PCDH15: variants seen among roughly 807,000 people sequenced by gnomAD.
The protein encoded by PCDH15 is protocadherin-15.
PCDH15 carries 129 observed loss-of-function variants against 178.5 expected under a neutral mutation model. The ratio of observed to expected loss-of-function variants is 0.72; its 90% CI spans 0.63 to 0.84. The LOEUF is 0.84. Among genes scored for constraint, PCDH15 ranks in the 40% least tolerant of loss-of-function variants. The probability of loss-of-function intolerance (pLI) is 0.00; values close to 1 mark genes in which losing one functional copy is unlikely to be tolerated. For missense variants in PCDH15, 2,230 were observed against 2,099.9 expected, an observed-to-expected ratio of 1.06 and a Z score of -1.21; for synonymous variants, 800 against 732.0, an observed-to-expected ratio of 1.09 and a Z score of -1.50.
At chr10:54,910,459 G>T (rs1954798598) in intron 2 of PCDH15, among the ~76,000 whole-genome samples, 1 of 152,028 alleles carries the variant, frequency 6.6e-6, no homozygotes, top group African/African-American at 2.4e-5. Context: ...TATTTTCTTA[G>T]TCTCACCACA....
intron 1 of PCDH15, among the ~76,000 whole-genome samples, chr10:54,718,598 C>A (rs2095509126): frequency 6.6e-6 from 1 of 151,024 alleles, no homozygotes; most frequent in Non-Finnish European, 1.5e-5. Context: ...GGAGAGATAG[C>A]TTATCTAGAT....
At chr10:54,772,721 C>G (rs1949237883) in intron 1 of PCDH15, among the ~76,000 whole-genome samples, 1 of 152,010 alleles carries the variant, frequency 6.6e-6, no homozygotes, top group South Asian at 2.1e-4. Context: ...TCCTCAGAGA[C>G]CTAGAGGCAG....
chr10:53,858,329 G>T (rs989072404), intron 27 of PCDH15, among the ~76,000 whole-genome samples: 4 of 152,038 alleles, frequency 2.6e-5, no homozygotes, highest in Non-Finnish European at 5.9e-5. Flanking sequence ...CCCATTAGGG[G>T]TCACAAACTC....
chr10:53,856,088 T>C (rs1275651526), intron 28 of PCDH15, among the ~76,000 whole-genome samples: 3 of 150,980 alleles, frequency 2.0e-5, no homozygotes, highest in Non-Finnish European at 4.4e-5. Context: ...AGGACTCAAA[T>C]GCATAAAGAT....
chr10:55,063,141 T>G (rs1229381052), intron 2 of PCDH15, among the ~76,000 whole-genome samples: 2 of 152,172 alleles, frequency 1.3e-5, no homozygotes, highest in Admixed American at 6.6e-5. Context: ...AAATCCATAC[T>G]TTTAATCTCT....
At chr10:54,447,129 C>T (rs866402833) in intron 3 of PCDH15, among the ~76,000 whole-genome samples, 76 of 151,698 alleles carry the variant, frequency 5.0e-4, no homozygotes, top group African/African-American at 1.8e-3. Context: ...TTTTATCTAT[C>T]TCTAAGCGTT....
intron 14 of PCDH15, among the ~76,000 whole-genome samples, chr10:54,147,016 T>C (rs4472839): frequency 0.26 from 19,173 of 74,728 alleles, 2,108 homozygotes; most frequent in East Asian, 0.75. Context: ...GTATATATAA[T>C]GTGTATATAT....
rs199648958 is a variant in PCDH15 at position 53,807,206 on chromosome 10, C to CCAAAA, written c.4672-81_4672-77dup. On this transcript the variant is annotated intron_variant, in intron 37 of 37. Transcript: ENST00000644397. ...GCAATGATTACATTGCCTGTGAAAT[C>CCAAAA]CAAAACAATGACATTTAGAAAGCTG... 1.0e-3 allele frequency: 1,224 copies of CCAAAA among 1,201,932 alleles called. 17 individuals are homozygous for CCAAAA. The East Asian group carries it at 0.029, about 28-fold the overall frequency. 74.5% of individuals were successfully genotyped at this position (1,201,932 alleles called of 1,614,324 possible). A position where few individuals can be genotyped will look rare whatever the true frequency, so the allele number is the denominator to read the frequency against.
At chr10:55,120,694 T>C (rs1837744229) in intron 2 of PCDH15, among the ~76,000 whole-genome samples, 1 of 152,178 alleles carries the variant, frequency 6.6e-6, no homozygotes, top group African/African-American at 2.4e-5. Flanking sequence ...TCATGTCCCT[T>C]GATGCATTAT....
At chr10:54,866,490 C>A (rs566250270) in intron 3 of PCDH15, among the ~76,000 whole-genome samples, 1 of 152,004 alleles carries the variant, frequency 6.6e-6, no homozygotes, top group South Asian at 2.1e-4. Flanking sequence ...GTTGTTAGCA[C>A]AAGAATGAAG....
At chr10:54,627,891 C>A (rs917533697) in intron 2 of PCDH15, among the ~76,000 whole-genome samples, 1 of 152,116 alleles carries the variant, frequency 6.6e-6, no homozygotes, top group African/African-American at 2.4e-5. Flanking sequence ...CTCGGAGGAG[C>A]CTGACTAAAG....
intron 27 of PCDH15, among the ~76,000 whole-genome samples, chr10:53,866,278 G>A (rs986191255): frequency 1.2e-4 from 18 of 151,914 alleles, no homozygotes; most frequent in African/African-American, 3.1e-4. Context: ...ACTCTGTGAA[G>A]CATTTAAAAT....
At chr10:54,765,554 A>G (rs1948408918) in intron 1 of PCDH15, among the ~76,000 whole-genome samples, 1 of 152,164 alleles carries the variant, frequency 6.6e-6, no homozygotes, top group Non-Finnish European at 1.5e-5. Flanking sequence ...TAAGCACTCA[A>G]TAGATTTAGT....
chr10:54,238,781 G>T (rs375607703), intron 8 of PCDH15, among the ~76,000 whole-genome samples: 1 of 150,980 alleles, frequency 6.6e-6, no homozygotes, highest in East Asian at 2.0e-4. Context: ...AAAAAAATCT[G>T]AAGTTCTTTG....
Position 54,091,128 on chromosome 10 carries a change from C to A in PCDH15, c.1918-1065G>T, listed in dbSNP as rs139037136. Among the ~76,000 whole-genome samples, 37 of 152,216 alleles carry A rather than the reference C, an allele frequency of 2.4e-4. No homozygotes were observed. In the East Asian group the frequency reaches 4.6e-3, roughly 19 times the overall value. ...AGTTTTACCTTAAAAAACATCAAAT[C>A]AGTTCTTTTTCCAGTGAGTCATTCG... On this transcript the variant is annotated intron_variant, in intron 15 of 37. Coordinates refer to ENST00000644397, the MANE Select transcript of PCDH15 (RefSeq NM_001384140.1).
At chr10:55,409,806 C>T (rs183090279) in intron 2 of PCDH15, among the ~76,000 whole-genome samples, 2 of 151,986 alleles carry the variant, frequency 1.3e-5, no homozygotes, top group Admixed American at 6.6e-5. Flanking sequence ...CTAATTTGCC[C>T]TTGAGAAAGC....
chr10:55,311,068 A>G (rs1843574161), intron 1 of PCDH15, among the ~76,000 whole-genome samples: 5 of 152,204 alleles, frequency 3.3e-5, no homozygotes, highest in Admixed American at 3.3e-4. Context: ...ATGAAATATA[A>G]CATTGCAAAA....
At chr10:54,642,267 G>A (rs563998965) in intron 2 of PCDH15, among the ~76,000 whole-genome samples, 35 of 152,198 alleles carry the variant, frequency 2.3e-4, no homozygotes, top group East Asian at 7.7e-4. Flanking sequence ...CTAGCACCTC[G>A]AACTTAGATT....
chr10:54,837,930 G>T (rs910122905), intron 3 of PCDH15, among the ~76,000 whole-genome samples: 2 of 152,094 alleles, frequency 1.3e-5, no homozygotes, highest in Non-Finnish European at 2.9e-5. Flanking sequence ...TTACACACAT[G>T]CTCTGGGAAA....
Sources: allele counts gnomAD v4.1 joint callset (sites outside exome capture counted in the v4.1 genomes callset), GRCh38; gene constraint gnomAD v4.1.1; transcripts MANE v1.5; gene names NCBI Gene and HGNC (gene_info 2026-07-23, HGNC 2026-07-21).